Variants in ANKS1A observed in about 807,000 individuals in gnomAD.
ANKS1A encodes the protein ankyrin repeat and SAM domain-containing protein 1A.
A neutral mutation model predicts 120.3 loss-of-function variants in ANKS1A; 55 were observed. The observed-to-expected ratio is 0.46, with a 90% CI of 0.37 to 0.57. ANKS1A has a LOEUF of 0.57. ANKS1A is among the 20% of genes least tolerant of loss of function. The pLI, the probability that ANKS1A is intolerant of heterozygous loss-of-function variation, is 0.00. For missense variants in ANKS1A, 1,123 were observed against 1,480.3 expected (o/e 0.76, Z 3.96); for synonymous variants, 590 against 604.7 (o/e 0.98, Z 0.36).
Position 34,970,129 on chromosome 6 carries a change from T to TC in ANKS1A, c.400dup (p.His134ProfsTer11). On this transcript the variant is annotated frameshift_variant, in exon 3 of 24. Coordinates refer to ENST00000360359, the MANE Select transcript of ANKS1A (RefSeq NM_015245.3). LOFTEE classifies it high-confidence loss of function. ...GATGCCCAGATAGTGCGGTTGCTCA[T>TC]CCATCAAGGGCCTTCACACACCAGA... The TC allele has an allele frequency of 6.2e-7, 1 of 1,613,944 alleles. No homozygotes were observed. Among genetic ancestry groups the TC allele is most frequent in the East Asian group, 2.2e-5 (1 of 44,880 alleles).
At chr6:35,016,456 A>G (rs147010327) in intron 10 of ANKS1A, among the ~76,000 whole-genome samples, 2 of 152,316 alleles carry the variant, frequency 1.3e-5, no homozygotes, top group Non-Finnish European at 2.9e-5. Flanking sequence ...GTGGGTTAAA[A>G]TCTTTAATGG....
chr6:35,051,763 A>G (rs1288738056), intron 11 of ANKS1A, among the ~76,000 whole-genome samples: 1 of 152,242 alleles, frequency 6.6e-6, no homozygotes, highest in Non-Finnish European at 1.5e-5. Flanking sequence ...TCTGAATAAC[A>G]TTTTGTATCT....
At chr6:34,904,561 G>A (rs1458305098) in intron 1 of ANKS1A, among the ~76,000 whole-genome samples, 7 of 151,978 alleles carry the variant, frequency 4.6e-5, no homozygotes, top group South Asian at 4.2e-4. Context: ...GCGAAATCCC[G>A]TCTCTACTAA....
Position 35,089,380 on chromosome 6 carries a change from C to T in ANKS1A, c.*771C>T. The T allele has an allele frequency of 2.0e-6, 2 of 986,692 alleles. No homozygotes were observed. Among genetic ancestry groups the T allele is most frequent in the Non-Finnish European group, 2.4e-6 (2 of 830,578 alleles). 61.1% of individuals were successfully genotyped at this position (986,692 alleles called of 1,614,324 possible). ...CCAGAGCGCCAGGCCTCTCCCTGGCCTCTTACCTGTCAGTGATCGGAGCAC... is the reference window on the plus strand; with the variant it reads ...CCAGAGCGCCAGGCCTCTCCCTGGCTTCTTACCTGTCAGTGATCGGAGCAC... On this transcript the variant is annotated 3_prime_UTR_variant, in exon 24 of 24. Transcript: ENST00000360359.
In ANKS1A at chr6:35,060,639, A is replaced by G. The variant is rs147840912; in HGVS notation, c.2184+386A>G. Reference sequence around the variant, plus strand: ...TGAAGCAAGGAGCCTTGCCTCCAGCAGAAAGACCCCTTCCCTGCCCAGCCA... The same window carrying G: ...TGAAGCAAGGAGCCTTGCCTCCAGCGGAAAGACCCCTTCCCTGCCCAGCCA... On this transcript the variant is annotated intron_variant, in intron 13 of 23. Coordinates refer to ENST00000360359, the MANE Select transcript of ANKS1A (RefSeq NM_015245.3). The surrounding 1 kb of genome is among the most constrained non-coding windows in gnomAD (Gnocchi z 4.5). Among the ~76,000 whole-genome samples, 281 of 152,322 alleles carry G rather than the reference A, an allele frequency of 1.8e-3. 2 individuals are homozygous for G. Among genetic ancestry groups the G allele is most frequent in the Middle Eastern group, 3.4e-3 (1 of 294 alleles).
At chr6:35,001,922 A>G (rs1401164488) in intron 10 of ANKS1A, among the ~76,000 whole-genome samples, 1 of 152,220 alleles carries the variant, frequency 6.6e-6, no homozygotes, top group Admixed American at 6.5e-5. Flanking sequence ...GACAGGGTTT[A>G]CAAAGTCTGG....
intron 1 of ANKS1A, among the ~76,000 whole-genome samples, chr6:34,925,418 C>T (rs1467815311): frequency 6.6e-6 from 1 of 152,180 alleles, no homozygotes; most frequent in Non-Finnish European, 1.5e-5. Flanking sequence ...ATGAGCATGT[C>T]ATTGGGCCTT....
intron 2 of ANKS1A, 127 bp from the exon 3 acceptor site, chr6:34,969,883 C>A: frequency 9.0e-7 from 1 of 1,107,576 alleles, no homozygotes; most frequent in Non-Finnish European, 1.3e-6. Flanking sequence ...GGGTGGTGAG[C>A]TCAGGTAGAG....
At chr6:35,056,880 G>A (rs1776251121) in intron 12 of ANKS1A, among the ~76,000 whole-genome samples, 1 of 152,066 alleles carries the variant, frequency 6.6e-6, no homozygotes, top group Non-Finnish European at 1.5e-5. Flanking sequence ...CTGTCTGATG[G>A]GTCAGGAGGG....
chr6:35,020,353 C>T (rs1774271200), intron 11 of ANKS1A, among the ~76,000 whole-genome samples: 2 of 152,060 alleles, frequency 1.3e-5, no homozygotes, highest in African/African-American at 4.8e-5. Context: ...TTAGAATATA[C>T]AAGATGTGTG....
In ANKS1A at chr6:35,081,059, G is replaced by T; in HGVS notation, c.2610G>T (p.Ser870=). Reference sequence around the variant, plus strand: ...AGAATGATTCCTGCACTGGGCGGTCGGCAGATCTGCTGCTGCCTCCAGGGG... The same window carrying T: ...AGAATGATTCCTGCACTGGGCGGTCTGCAGATCTGCTGCTGCCTCCAGGGG... The part of the protein sequence containing the change: ...LSQNDSCTGR[S]ADLLLPPGDT... The change falls in exon 17 of 24, where the codon TCG becomes TCT. Residue 870 remains serine (S), a synonymous_variant. Coordinates refer to ENST00000360359, the MANE Select transcript of ANKS1A (RefSeq NM_015245.3). 6.2e-7 allele frequency: 1 copy of T among 1,614,010 alleles called. No individual in the cohort carries two copies. Among genetic ancestry groups the T allele is most frequent in the Non-Finnish European group, 8.5e-7 (1 of 1,179,986 alleles).
chr6:34,907,359 T>C (rs918890519), intron 1 of ANKS1A, among the ~76,000 whole-genome samples: 22 of 152,216 alleles, frequency 1.4e-4, no homozygotes, highest in Non-Finnish European at 3.1e-4. Flanking sequence ...CAGTCATCCC[T>C]GGGTACATGT....
At chr6:34,926,191 C>G (rs1768706908) in intron 1 of ANKS1A, among the ~76,000 whole-genome samples, 1 of 152,112 alleles carries the variant, frequency 6.6e-6, no homozygotes, top group Admixed American at 6.5e-5. Flanking sequence ...TTTGACATTC[C>G]CAGCTATGGG....
chr6:35,001,428 T>TC (rs35556355), intron 10 of ANKS1A, among the ~76,000 whole-genome samples: 87,638 of 152,154 alleles, frequency 0.58, 30,610 homozygotes, highest in Non-Finnish European at 0.78. Flanking sequence ...TTGTCCCTCT[T>TC]CCACTAAGGT....
intron 10 of ANKS1A, among the ~76,000 whole-genome samples, chr6:35,010,682 G>A (rs935996757): frequency 1.3e-5 from 2 of 152,184 alleles, no homozygotes; most frequent in African/African-American, 2.4e-5. Context: ...AGAGCTAGAA[G>A]GATGAAAACT....
chr6:35,016,549 A>G (rs1774014017), intron 10 of ANKS1A, among the ~76,000 whole-genome samples: 1 of 152,128 alleles, frequency 6.6e-6, no homozygotes, highest in South Asian at 2.1e-4. Flanking sequence ...TATTTATGCT[A>G]CTTCAGGGCG....
intron 13 of ANKS1A, among the ~76,000 whole-genome samples, chr6:35,072,525 CCAGGCTGGCTTCTTCCAGAGT>C (rs1246774231): frequency 6.6e-6 from 1 of 152,230 alleles, no homozygotes; most frequent in Non-Finnish European, 1.5e-5. Flanking sequence ...CTCCAATAGG[CCAGGCTGGCTTCTTCCAGAGT>C]CAGGCTGGCC....
chr6:34,961,507 TCA>T (rs1461879243), intron 1 of ANKS1A, among the ~76,000 whole-genome samples: 1 of 152,232 alleles, frequency 6.6e-6, no homozygotes, highest in Admixed American at 6.5e-5. Context: ...TGCAGTGAAG[TCA>T]CTATCTTTTT....
chr6:34,952,549 T>C (rs847844), intron 1 of ANKS1A, among the ~76,000 whole-genome samples: 23,713 of 152,096 alleles, frequency 0.16, 3,036 homozygotes, highest in African/African-American at 0.34. Flanking sequence ...CTTTGACAGA[T>C]AGACAAATAC....
Sources: allele counts gnomAD v4.1 joint callset (sites outside exome capture counted in the v4.1 genomes callset), GRCh38; gene constraint gnomAD v4.1.1; non-coding constraint Gnocchi (gnomAD v3.1); transcripts MANE v1.5; gene names NCBI Gene and HGNC (gene_info 2026-07-23, HGNC 2026-07-21).